Variants in RUFY1 observed in about 807,000 individuals in gnomAD.
RUFY1 encodes the protein RUN and FYVE domain-containing protein 1.
RUFY1 carries 54 observed loss-of-function variants against 94.6 expected under a neutral mutation model. The observed-to-expected ratio is 0.57, with a 90% CI of 0.46 to 0.72. The LOEUF (loss-of-function observed/expected upper bound fraction) is 0.72, where lower values mean the gene tolerates loss of function less well. RUFY1 is among the 30% of genes least tolerant of loss of function. The pLI is 0.00. For synonymous variants in RUFY1, 396 were observed against 347.3 expected (o/e 1.14, Z -1.56); for missense variants, 883 against 883.9 (o/e 1.00, Z 0.01).
In RUFY1 at chr5:179,605,936, C is replaced by T; in HGVS notation, c.1905+12C>T. ...ACCAGGCACTGAAGGTACTGCCTTG[C>T]TAAGAACCACTTCTTTGCTGTCAGC... On this transcript the variant is annotated intron_variant, in intron 16 of 17. Transcript: ENST00000319449. The T allele has an allele frequency of 6.3e-7, 1 of 1,578,898 alleles. No homozygotes were observed. Among genetic ancestry groups the T allele is most frequent in the Non-Finnish European group, 8.7e-7 (1 of 1,149,384 alleles).
At chr5:179,559,826 C>G (rs755227674) in intron 1 of RUFY1, 199 bp from the exon 2 acceptor site, 2 of 1,338,418 alleles carry the variant, frequency 1.5e-6, no homozygotes. Context: ...CCCAAGGCCC[C>G]GCCGTCCAGG....
In RUFY1 at chr5:179,569,194, G is replaced by A. The variant is rs557422737; in HGVS notation, c.705-108G>A. 5 of 1,585,172 alleles carry A rather than the reference G, an allele frequency of 3.2e-6. No individual in the cohort carries two copies. The South Asian group carries it at 4.6e-5, about 14-fold the overall frequency. On this transcript the variant is annotated intron_variant, in intron 4 of 17. Transcript: ENST00000319449. ...AAAGGGAGGGAGGAAATCCACAGCA[G>A]TATCTTCTGGCTCCAGGGCACAGGT...
intron 8 of RUFY1, among the ~76,000 whole-genome samples, chr5:179,587,382 C>CTTTCTTT (rs1554120678): frequency 1.5e-5 from 2 of 136,722 alleles, no homozygotes; most frequent in African/African-American, 5.8e-5. Context: ...TTCTTTCTTT[C>CTTTCTTT]TTTTTTTTTT....
intron 2 of RUFY1, 29 bp downstream of exon 2, chr5:179,560,227 G>A (rs1178810896): frequency 5.0e-6 from 8 of 1,604,692 alleles, no homozygotes. Flanking sequence ...TTGGGAGCGT[G>A]GAAGTTCGGG....
At chr5:179,585,945 G>A (rs1581500810) in intron 8 of RUFY1, 80 bp downstream of exon 8, 1 of 1,127,700 alleles carries the variant, frequency 8.9e-7, no homozygotes, top group East Asian at 2.3e-5. Flanking sequence ...GTCTGCGATA[G>A]CAGAGCTTCC....
chr5:179,566,647 G>T (rs1026393321), intron 3 of RUFY1, among the ~76,000 whole-genome samples: 8 of 150,922 alleles, frequency 5.3e-5, no homozygotes, highest in Non-Finnish European at 1.2e-4. Context: ...AAAAAAGATT[G>T]GTTCCACAAC....
intron 1 of RUFY1, among the ~76,000 whole-genome samples, chr5:179,556,417 A>G (rs1197658645): frequency 6.6e-6 from 1 of 152,116 alleles, no homozygotes; most frequent in Admixed American, 6.5e-5. Flanking sequence ...GGAGTGAATT[A>G]TCATTAAGTT....
chr5:179,580,224 TGTGTG>T, intron 6 of RUFY1, among the ~76,000 whole-genome samples: 3 of 59,546 alleles, frequency 5.0e-5, no homozygotes, highest in African/African-American at 1.9e-4. Flanking sequence ...TGTGTGTGTG[TGTGTG>T]TGTGTGTGTG....
intron 17 of RUFY1, chr5:179,608,158 A>C (rs960917620): frequency 6.4e-6 from 2 of 310,300 alleles, no homozygotes; most frequent in African/African-American, 4.5e-5. Context: ...GGCCTTATTA[A>C]CAGTCTCACC....
At chr5:179,598,094 GC>G (rs1765864163) in intron 13 of RUFY1, among the ~76,000 whole-genome samples, 1 of 152,236 alleles carries the variant, frequency 6.6e-6, no homozygotes, top group South Asian at 2.1e-4. Context: ...GGAGGCTGAG[GC>G]AGGAGACTAG....
intron 5 of RUFY1, among the ~76,000 whole-genome samples, chr5:179,576,077 A>G (rs1473051593): frequency 1.3e-5 from 2 of 152,004 alleles, no homozygotes; most frequent in African/African-American, 4.8e-5. Context: ...CACCGTGCCC[A>G]GCTTTTCTAT....
intron 15 of RUFY1, among the ~76,000 whole-genome samples, chr5:179,603,988 C>T (rs547366964): frequency 6.1e-4 from 93 of 152,242 alleles, no homozygotes; most frequent in African/African-American, 2.1e-3. Context: ...ACCTGGGAGG[C>T]GGAGGTTGCG....
intron 1 of RUFY1, among the ~76,000 whole-genome samples, chr5:179,555,956 C>T (rs753091022): frequency 9.9e-5 from 15 of 152,062 alleles, no homozygotes; most frequent in Middle Eastern, 3.4e-3. Context: ...CCTCGGCCTC[C>T]CAAAGTGCTG....
At position 179,558,477 on chromosome 5, in the gene RUFY1, CAA is replaced by C. The variant is rs374842678; in HGVS notation, c.311-1547_311-1546del. ...ATCCCAGCTACTCGGGAGTCTGAAA[CAA>C]GAGAATTGCTTGAGCTCAGGAGGCG... On this transcript the variant is annotated intron_variant, in intron 1 of 17. Transcript: ENST00000319449. 9.7e-4 allele frequency among the ~76,000 whole-genome samples: 147 copies of C among 151,406 alleles called. 1 individual carries two copies. The highest frequency in any genetic ancestry group is 2.8e-3 in the African/African-American group (117 of 41,254).
intron 17 of RUFY1, chr5:179,608,656 G>A (rs1017452004): frequency 1.3e-5 from 13 of 984,794 alleles, no homozygotes; most frequent in Middle Eastern, 5.2e-4. Context: ...GGCCGGGCAC[G>A]GTGGCTCATG....
chr5:179,566,308 A>G (rs1762823010), intron 3 of RUFY1, among the ~76,000 whole-genome samples: 1 of 151,884 alleles, frequency 6.6e-6, no homozygotes, highest in Admixed American at 6.6e-5. Context: ...TAATGCTAGA[A>G]TACAGAAAAA....
chr5:179,608,886 G>T (rs1767390879), intron 17 of RUFY1, among the ~76,000 whole-genome samples: 2 of 147,376 alleles, frequency 1.4e-5, no homozygotes, highest in Admixed American at 6.9e-5. Flanking sequence ...AGCCGAGATT[G>T]CGCCACTGCA....
chr5:179,595,077 T>C (rs1222734291), intron 12 of RUFY1, 114 bp downstream of exon 12: 7 of 723,628 alleles, frequency 9.7e-6, no homozygotes, highest in South Asian at 1.7e-5. Context: ...GCGCGGTGGC[T>C]CACGCCTGTA....
chr5:179,551,001 G>A lies in RUFY1; in HGVS notation c.310+122G>A, dbSNP rs3733919. ...GTTCCGGGAGGTTACGCGAGCTGTT[G>A]GCGGGCGGGCGGCGCCTGGCTGCGC... On this transcript the variant is annotated intron_variant, in intron 1 of 17. Transcript: ENST00000319449. 45 of 852,282 alleles carry A rather than the reference G, an allele frequency of 5.3e-5. No individual in the cohort carries two copies. In the African/African-American group the frequency reaches 7.7e-4, roughly 15 times the overall value. The allele number at this position is 852,282 out of a possible 1,614,324, so 52.8% of individuals were successfully genotyped here. A position where few individuals can be genotyped will look rare whatever the true frequency, so the allele number is the denominator to read the frequency against.
Sources: allele counts gnomAD v4.1 joint callset (sites outside exome capture counted in the v4.1 genomes callset), GRCh38; gene constraint gnomAD v4.1.1; transcripts MANE v1.5; gene names NCBI Gene and HGNC (gene_info 2026-07-23, HGNC 2026-07-21).